VAT1L: variants seen among roughly 807,000 people sequenced by gnomAD.
The protein encoded by VAT1L is putative NADPH-dependent quinone oxidoreductase VAT1L.
A neutral mutation model predicts 44.1 loss-of-function variants in VAT1L; 34 were observed. The observed-to-expected ratio is 0.77, with a 90% CI of 0.59 to 1.03. The LOEUF is 1.03. VAT1L is among the 50% of genes least tolerant of loss of function. The probability of loss-of-function intolerance (pLI) is 0.00; values close to 1 mark genes in which losing one functional copy is unlikely to be tolerated. For missense variants in VAT1L, 615 were observed against 538.8 expected (o/e 1.14, Z -1.40); for synonymous variants, 253 against 202.2 (o/e 1.25, Z -2.13).
intron 7 of VAT1L, among the ~76,000 whole-genome samples, chr16:77,936,251 C>A (rs1447802448): frequency 1.3e-5 from 2 of 152,188 alleles, no homozygotes; most frequent in African/African-American, 4.8e-5. Context: ...ACTTGTCCAT[C>A]TTCAGCTATA....
At chr16:77,957,073 C>A (rs955517586) in intron 7 of VAT1L, among the ~76,000 whole-genome samples, 1 of 152,114 alleles carries the variant, frequency 6.6e-6, no homozygotes, top group Non-Finnish European at 1.5e-5. Flanking sequence ...GGGAAAAAAT[C>A]ACAATTCCTT....
chr16:77,816,053 A>G (rs189155995), intron 1 of VAT1L, among the ~76,000 whole-genome samples: 3 of 146,662 alleles, frequency 2.0e-5, no homozygotes, highest in East Asian at 4.1e-4. Context: ...TCCCCATGTG[A>G]TTAGCAAATG....
intron 1 of VAT1L, among the ~76,000 whole-genome samples, chr16:77,803,488 C>G (rs988721741): frequency 7.3e-6 from 1 of 137,336 alleles, no homozygotes; most frequent in Admixed American, 8.4e-5. Flanking sequence ...GGTGCGATCT[C>G]GGCTCACTGC....
intron 7 of VAT1L, among the ~76,000 whole-genome samples, chr16:77,951,423 G>A (rs577849919): frequency 6.6e-6 from 1 of 152,288 alleles, no homozygotes; most frequent in Non-Finnish European, 1.5e-5. Flanking sequence ...GCGGGAGCCT[G>A]TAATCCCAGC....
chr16:77,875,116 C>T (rs962074743), intron 4 of VAT1L, among the ~76,000 whole-genome samples: 1 of 152,104 alleles, frequency 6.6e-6, no homozygotes, highest in African/African-American at 2.4e-5. Context: ...AAGAGGACAC[C>T]CCTGTGCAGA....
chr16:77,816,896 C>T, intron 1 of VAT1L, 25 bp from the exon 2 acceptor site: 2 of 1,567,858 alleles, frequency 1.3e-6, no homozygotes, highest in African/African-American at 1.4e-5. Context: ...TTGAATTTCT[C>T]TCCTTTCACA....
intron 4 of VAT1L, among the ~76,000 whole-genome samples, chr16:77,863,453 G>T (rs8052397): frequency 0.11 from 16,038 of 152,234 alleles, 1,711 homozygotes; most frequent in African/African-American, 0.27. Flanking sequence ...CTTGTCATTG[G>T]GTGCACCCAG....
chr16:77,865,128 C>T (rs1462083465), intron 4 of VAT1L, among the ~76,000 whole-genome samples: 5 of 152,022 alleles, frequency 3.3e-5, no homozygotes, highest in African/African-American at 1.2e-4. Context: ...CACCCACCAC[C>T]ACACCTGGCT....
intron 7 of VAT1L, among the ~76,000 whole-genome samples, chr16:77,963,218 A>G (rs383161): frequency 0.34 from 52,206 of 152,016 alleles, 9,136 homozygotes; most frequent in South Asian, 0.45. Context: ...GGTACCTCAC[A>G]TGGAAAAACG....
chr16:77,811,847 CTT>C (rs950342365), intron 1 of VAT1L, among the ~76,000 whole-genome samples: 3 of 152,156 alleles, frequency 2.0e-5, no homozygotes, highest in African/African-American at 7.2e-5. Context: ...AAGTCAATGT[CTT>C]TTTCTCAAGA....
intron 7 of VAT1L, among the ~76,000 whole-genome samples, chr16:77,971,441 G>C (rs1397234309): frequency 6.6e-6 from 1 of 152,046 alleles, no homozygotes; most frequent in Non-Finnish European, 1.5e-5. Flanking sequence ...GCCCAACTAC[G>C]AGTCACAGTT....
intron 7 of VAT1L, among the ~76,000 whole-genome samples, chr16:77,947,998 G>A (rs2017991247): frequency 6.6e-6 from 1 of 152,212 alleles, no homozygotes; most frequent in Non-Finnish European, 1.5e-5. Context: ...GACCTCAGGT[G>A]ATCCAACCAC....
At chr16:77,810,574 G>T (rs927252575) in intron 1 of VAT1L, among the ~76,000 whole-genome samples, 1 of 152,168 alleles carries the variant, frequency 6.6e-6, no homozygotes, top group Non-Finnish European at 1.5e-5. Context: ...GGAAGCCAAA[G>T]TGGGAGGATC....
intron 7 of VAT1L, 102 bp from the exon 8 acceptor site, chr16:77,971,748 G>A: frequency 8.1e-7 from 1 of 1,236,688 alleles, no homozygotes; most frequent in South Asian, 1.5e-5. Context: ...GAGCCGCAGC[G>A]CCCTCTGGTG....
At chr16:77,968,092 A>G (rs2018242095) in intron 7 of VAT1L, among the ~76,000 whole-genome samples, 1 of 152,200 alleles carries the variant, frequency 6.6e-6, no homozygotes, top group Non-Finnish European at 1.5e-5. Context: ...TATATTATCT[A>G]TTATTGCATT....
chr16:77,968,297 C>G (rs2018244274), intron 7 of VAT1L, among the ~76,000 whole-genome samples: 1 of 152,062 alleles, frequency 6.6e-6, no homozygotes, highest in South Asian at 2.1e-4. Context: ...AGGGCCAGTC[C>G]ACAGTGCAAA....
chr16:77,976,702 T>C (rs2018344592), intron 8 of VAT1L, among the ~76,000 whole-genome samples: 1 of 152,192 alleles, frequency 6.6e-6, no homozygotes, highest in African/African-American at 2.4e-5. Flanking sequence ...CTAGACTCTT[T>C]AGATACATTA....
intron 7 of VAT1L, among the ~76,000 whole-genome samples, chr16:77,889,389 A>G (rs1465079413): frequency 2.6e-5 from 4 of 152,310 alleles, no homozygotes; most frequent in Non-Finnish European, 4.4e-5. Context: ...GTTGGAAGAA[A>G]GTTAGTCTCA....
At chr16:77,945,866 G>A (rs1390998234) in intron 7 of VAT1L, among the ~76,000 whole-genome samples, 2 of 149,958 alleles carry the variant, frequency 1.3e-5, no homozygotes, top group Non-Finnish European at 3.0e-5. Flanking sequence ...GCAGTGGCAC[G>A]ATCTCAGCTC....
Sources: allele counts gnomAD v4.1 joint callset (sites outside exome capture counted in the v4.1 genomes callset), GRCh38; gene constraint gnomAD v4.1.1; transcripts MANE v1.5; gene names NCBI Gene and HGNC (gene_info 2026-07-23, HGNC 2026-07-21).